The following NOP58 variants were observed in gnomAD, a reference collection of about 807,000 sequenced individuals.
NOP58 encodes nucleolar protein 58.
NOP58 carries 44 observed loss-of-function variants against 71.2 expected under a neutral mutation model. The ratio of observed to expected loss-of-function variants is 0.62; its 90% CI spans 0.49 to 0.79. The LOEUF (loss-of-function observed/expected upper bound fraction) is 0.79, where lower values mean the gene tolerates loss of function less well. Among genes scored for constraint, NOP58 ranks in the 30% least tolerant of loss-of-function variants. The pLI, the probability that NOP58 is intolerant of heterozygous loss-of-function variation, is 0.00. For synonymous variants in NOP58, 228 were observed against 200.3 expected, an observed-to-expected ratio of 1.14 and a Z score of -1.17; for missense variants, 538 against 620.2, an observed-to-expected ratio of 0.87 and a Z score of 1.41.
In NOP58 at chr2:202,298,675, T is replaced by C. The variant is rs1689038307; in HGVS notation, c.1268+769T>C. The stretch of plus-strand genomic sequence containing the variant: ...GAGTTAATCCCTACAGAAACCTATT[T>C]TGTAAAAAGTATAAAGACAGAAAAC... On this transcript the variant is annotated intron_variant, in intron 12 of 14. Transcript: ENST00000264279. Among the ~76,000 whole-genome samples the C allele has an allele frequency of 2.0e-5, 3 of 152,090 alleles. No homozygotes were observed. The South Asian group carries it at 6.2e-4, about 32-fold the overall frequency.
rs368746445 is a variant in NOP58 at position 202,299,230 on chromosome 2, T to A, written c.1269-1004T>A. 1.9e-4 allele frequency among the ~76,000 whole-genome samples: 29 copies of A among 152,286 alleles called. 2 individuals carry two copies. Among genetic ancestry groups the A allele is most frequent in the South Asian group, 1.0e-3 (5 of 4,816 alleles). ...GCCTTGGCCTCCCAAAGTGCTGGGATTACAGGCGTGAGCCACAGCACCCGG... is the reference window on the plus strand; with the variant it reads ...GCCTTGGCCTCCCAAAGTGCTGGGAATACAGGCGTGAGCCACAGCACCCGG... On this transcript the variant is annotated intron_variant, in intron 12 of 14. Coordinates refer to ENST00000264279, the MANE Select transcript of NOP58 (RefSeq NM_015934.5).
intron 12 of NOP58, 107 bp downstream of exon 12, chr2:202,298,013 A>G (rs564568173): frequency 4.3e-6 from 3 of 698,286 alleles, no homozygotes; most frequent in African/African-American, 1.8e-5. Context: ...AGTTTTTTCA[A>G]ATTTATTTAT....
At chr2:202,284,626 G>A in intron 5 of NOP58, 145 bp downstream of exon 5, 1 of 843,694 alleles carries the variant, frequency 1.2e-6, no homozygotes, top group Non-Finnish European at 1.8e-6. Flanking sequence ...ATTTACAGAT[G>A]AAACTGAAGC....
chr2:202,274,889 C>T (rs1050553605), intron 1 of NOP58, among the ~76,000 whole-genome samples: 13 of 152,198 alleles, frequency 8.5e-5, no homozygotes, highest in Non-Finnish European at 4.4e-5. Context: ...CACTGTACTA[C>T]AGCTGACTGG....
chr2:202,273,031 A>G (rs753300890), intron 1 of NOP58, among the ~76,000 whole-genome samples: 1 of 152,214 alleles, frequency 6.6e-6, no homozygotes, highest in Admixed American at 6.5e-5. Flanking sequence ...AGGCTGAGGC[A>G]GGAGAATGAC....
intron 1 of NOP58, 25 bp downstream of exon 1, chr2:202,266,011 AG>A (rs1333298855): frequency 7.4e-6 from 12 of 1,613,594 alleles, no homozygotes; most frequent in Non-Finnish European, 1.0e-5. Context: ...GAGCCGTTAA[AG>A]GGGGAAGGCG....
At chr2:202,276,762 C>G (rs374600194) in intron 2 of NOP58, among the ~76,000 whole-genome samples, 1 of 152,034 alleles carries the variant, frequency 6.6e-6, no homozygotes, top group African/African-American at 2.4e-5. Flanking sequence ...CCTTTGAGCT[C>G]GGGAAGTCAG....
intron 1 of NOP58, among the ~76,000 whole-genome samples, chr2:202,273,463 C>T (rs995726006): frequency 6.6e-6 from 1 of 152,052 alleles, no homozygotes; most frequent in African/African-American, 2.4e-5. Flanking sequence ...ATACAGAAAT[C>T]CATTTTAAGT....
chr2:202,293,230 CTA>C (rs1688933652), intron 9 of NOP58: 1 of 455,580 alleles, frequency 2.2e-6, no homozygotes, highest in Non-Finnish European at 4.3e-6. Context: ...TAAAAACTCA[CTA>C]GACCTAGATT....
intron 9 of NOP58, among the ~76,000 whole-genome samples, chr2:202,294,000 A>G (rs1688947181): frequency 6.6e-6 from 1 of 151,972 alleles, no homozygotes; most frequent in Non-Finnish European, 1.5e-5. Flanking sequence ...AGCAGTAAGC[A>G]ATGGCAGGGG....
chr2:202,281,666 C>T (rs1688707637), intron 3 of NOP58, among the ~76,000 whole-genome samples: 1 of 152,172 alleles, frequency 6.6e-6, no homozygotes, highest in South Asian at 2.1e-4. Context: ...TGGTACACAC[C>T]ACCATGCCTG....
At chr2:202,275,410 G>A (rs1278795149) in intron 2 of NOP58, 2 of 438,090 alleles carry the variant, frequency 4.6e-6, no homozygotes, top group Non-Finnish European at 8.3e-6. Context: ...TACCCACAGG[G>A]ATTATGTTCC....
chr2:202,292,628 G>C (rs1186834637), intron 8 of NOP58, 149 bp from the exon 9 acceptor site: 7 of 578,704 alleles, frequency 1.2e-5, no homozygotes, highest in Admixed American at 9.9e-5. Flanking sequence ...AAAAAAAAAA[G>C]AAAACTGATG....
At chr2:202,268,105 A>G (rs931924992) in intron 1 of NOP58, among the ~76,000 whole-genome samples, 4 of 152,200 alleles carry the variant, frequency 2.6e-5, no homozygotes, top group African/African-American at 9.6e-5. Flanking sequence ...TGAATTGTAC[A>G]CTTTAAAAGG....
chr2:202,291,938 A>C (rs1688907800), intron 8 of NOP58, among the ~76,000 whole-genome samples: 1 of 143,608 alleles, frequency 7.0e-6, no homozygotes, highest in African/African-American at 2.5e-5. Context: ...AATTAAAAAG[A>C]GCATGATACA....
chr2:202,291,158 C>T lies in NOP58; in HGVS notation c.668C>T (p.Ser223Phe). The change falls in exon 8 of 15, where the codon TCT becomes TTT. Residue 223 changes from serine to phenylalanine, a missense_variant. Ser to Phe is a radical substitution (Grantham distance 155). Coordinates refer to ENST00000264279, the MANE Select transcript of NOP58 (RefSeq NM_015934.5). ...AAGAACTATGCCTCTGCCAAGCTTT[C>T]TGAGTTGCTGCCAGAAGAAGTTGAA... is the stretch of plus-strand genomic sequence containing the variant. ...DRKNYASAKL[S>F]ELLPEEVEAE... is the part of the protein sequence containing the mutation. 6.2e-7 allele frequency: 1 copy of T among 1,612,690 alleles called. No individual in the cohort carries two copies.
In NOP58 at chr2:202,265,801, T is replaced by G; in HGVS notation, c.-141T>G. The G allele has an allele frequency of 1.2e-6, 1 of 836,348 alleles. No individual in the cohort carries two copies. Among genetic ancestry groups the G allele is most frequent in the Non-Finnish European group, 2.0e-6 (1 of 504,718 alleles). 51.8% of individuals were successfully genotyped at this position (836,348 alleles called of 1,614,324 possible). A position where few individuals can be genotyped will look rare whatever the true frequency, so the allele number is the denominator to read the frequency against. ...AGCGTGGAGGGTTTAGGCAGCGTGT[T>G]CTGATTCTTTGCGGGACGGCGAGCG... is the stretch of plus-strand genomic sequence containing the variant. On this transcript the variant is annotated 5_prime_UTR_variant, in exon 1 of 15. Transcript: ENST00000264279.
At chr2:202,286,332 G>A (rs1329689295) in intron 5 of NOP58, among the ~76,000 whole-genome samples, 31 of 150,368 alleles carry the variant, frequency 2.1e-4, no homozygotes, top group African/African-American at 6.4e-4. Context: ...GTGAAACCCC[G>A]TCTCTACTAA....
intron 8 of NOP58, among the ~76,000 whole-genome samples, chr2:202,291,968 C>CT (rs869075798): frequency 0.035 from 1,527 of 43,928 alleles, 633 homozygotes; most frequent in East Asian, 0.065. Flanking sequence ...TGCTCAGAAT[C>CT]TTTTTTTTTT....
Sources: allele counts gnomAD v4.1 joint callset (sites outside exome capture counted in the v4.1 genomes callset), GRCh38; gene constraint gnomAD v4.1.1; transcripts MANE v1.5; gene names NCBI Gene and HGNC (gene_info 2026-07-23, HGNC 2026-07-21).